Variants in ATP7B observed in about 807,000 individuals in gnomAD.
The protein encoded by ATP7B is ATPase copper transporting beta.
A neutral mutation model predicts 118.9 loss-of-function variants in ATP7B; 113 were observed. The ratio of observed to expected loss-of-function variants is 0.95; its 90% confidence interval spans 0.82 to 1.11. The LOEUF is 1.11. Ranked by LOEUF, ATP7B falls within the 50% of genes most tolerant of loss-of-function variation. The pLI is 0.00. For synonymous variants in ATP7B, 777 were observed against 727.4 expected (o/e 1.07, Z -1.10); for missense variants, 1,867 against 1,871.4 (o/e 1.00, Z 0.04).
At chr13:51,944,012 C>CAGAGAAGGCTCCTCGAGGGCAGCTAGG in intron 14 of ATP7B, 97 bp downstream of exon 14, 1 of 1,517,344 alleles carries the variant, frequency 6.6e-7, no homozygotes, top group Non-Finnish European at 9.0e-7. Context: ...CCAGACCACA[C>CAGAGAAGGCTCCTCGAGGGCAGCTAGG]AGAGAAGGCT....
At chr13:51,992,841 G>A (rs1453123846) in intron 1 of ATP7B, among the ~76,000 whole-genome samples, 1 of 151,716 alleles carries the variant, frequency 6.6e-6, no homozygotes, top group East Asian at 1.9e-4. Flanking sequence ...AGCTAGGTAT[G>A]GTGTCAGGTG....
At chr13:51,965,816 C>T (rs1462670253) in intron 4 of ATP7B, among the ~76,000 whole-genome samples, 1 of 152,118 alleles carries the variant, frequency 6.6e-6, no homozygotes, top group Non-Finnish European at 1.5e-5. Context: ...GCACCTGATG[C>T]GAAGTCACTG....
intron 1 of ATP7B, among the ~76,000 whole-genome samples, chr13:51,983,840 T>G (rs1952533117): frequency 6.6e-6 from 1 of 151,974 alleles, no homozygotes; most frequent in Non-Finnish European, 1.5e-5. Flanking sequence ...GAAGGAAAAC[T>G]AACAAACAGA....
At chr13:51,954,089 C>T (rs1958186601) in intron 9 of ATP7B, among the ~76,000 whole-genome samples, 1 of 152,152 alleles carries the variant, frequency 6.6e-6, no homozygotes, top group Non-Finnish European at 1.5e-5. Flanking sequence ...CCTGGGGAAT[C>T]AGGAAAGGCT....
chr13:51,963,054 T>C (rs1349554331), intron 5 of ATP7B, among the ~76,000 whole-genome samples: 2 of 151,292 alleles, frequency 1.3e-5, no homozygotes, highest in Non-Finnish European at 2.9e-5. Flanking sequence ...ACCATGCCAC[T>C]GCACTCCAGC....
chr13:51,997,412 C>T (rs184240455), intron 1 of ATP7B, among the ~76,000 whole-genome samples: 14 of 152,260 alleles, frequency 9.2e-5, no homozygotes, highest in Middle Eastern at 3.4e-3. Flanking sequence ...CTATGAATAG[C>T]TAATAAGGAA....
At chr13:51,978,680 T>C (rs1199658504) in intron 1 of ATP7B, 1 of 152,234 alleles carries the variant, frequency 6.6e-6, no homozygotes, top group African/African-American at 2.4e-5. Flanking sequence ...TGTGACTCTG[T>C]ATGTAATGAA....
At chr13:52,007,725 G>A (rs933383959) in intron 1 of ATP7B, among the ~76,000 whole-genome samples, 4 of 152,112 alleles carry the variant, frequency 2.6e-5, no homozygotes, top group African/African-American at 9.7e-5. Flanking sequence ...CGCTGGGTCT[G>A]GGCCATCTGT....
chr13:51,981,913 G>A (rs1396964470), intron 1 of ATP7B, among the ~76,000 whole-genome samples: 1 of 152,042 alleles, frequency 6.6e-6, no homozygotes, highest in African/African-American at 2.4e-5. Context: ...CCCATGGCCT[G>A]CAAGCCACAT....
chr13:51,971,000 T>A (rs1376772705), intron 2 of ATP7B, among the ~76,000 whole-genome samples: 1 of 152,138 alleles, frequency 6.6e-6, no homozygotes, highest in African/African-American at 2.4e-5. Flanking sequence ...TGTAAATAGT[T>A]CTCTATATTA....
intron 1 of ATP7B, among the ~76,000 whole-genome samples, chr13:51,990,931 T>C (rs1430760391): frequency 1.3e-5 from 2 of 152,120 alleles, no homozygotes; most frequent in Admixed American, 1.3e-4. Context: ...CTACTAAAAA[T>C]ACAAATATTA....
chr13:51,935,847 G>GCC, intron 19 of ATP7B, 152 bp from the exon 20 acceptor site: 1 of 665,232 alleles, frequency 1.5e-6, no homozygotes, highest in Non-Finnish European at 2.6e-6. Flanking sequence ...TTGCCCACAG[G>GCC]CCCCCCCCAA....
chr13:51,959,949 C>A (rs1958619924), intron 7 of ATP7B, 199 bp downstream of exon 7: 1 of 648,778 alleles, frequency 1.5e-6, no homozygotes, highest in Non-Finnish European at 2.7e-6. Context: ...AGTAGTCCCC[C>A]ACACTGGGGG....
intron 15 of ATP7B, among the ~76,000 whole-genome samples, chr13:51,941,495 G>T (rs934775594): frequency 2.0e-5 from 3 of 152,152 alleles, no homozygotes; most frequent in Non-Finnish European, 2.9e-5. Flanking sequence ...GGCAATGTCC[G>T]TCTTTGTCTT....
chr13:51,970,933 G>A (rs976934420), intron 2 of ATP7B, among the ~76,000 whole-genome samples, 184 bp from the exon 3 acceptor site: 1 of 151,648 alleles, frequency 6.6e-6, no homozygotes, highest in Non-Finnish European at 1.5e-5. Context: ...CCCTGCTGTT[G>A]TTAATCTCTG....
At chr13:51,980,385 C>T (rs2140212846) in intron 1 of ATP7B, among the ~76,000 whole-genome samples, 1 of 152,212 alleles carries the variant, frequency 6.6e-6, no homozygotes, top group Admixed American at 6.5e-5. Flanking sequence ...CAGAGGAGGC[C>T]ACAGAAGGGA....
In ATP7B at chr13:51,937,099, CCA is replaced by C. The variant is rs1957010975; in HGVS notation, c.4021+175_4021+176del. On this transcript the variant is annotated intron_variant, in intron 19 of 20. Coordinates refer to ENST00000242839, the MANE Select transcript of ATP7B (RefSeq NM_000053.4). ...AGTGAATGAAGGTTTCAGGTCCTCT[CCA>C]CAGTTTCTCATTTAAAGACATATAA... Among the ~76,000 whole-genome samples, 5 of 151,832 alleles carry C rather than the reference CCA, an allele frequency of 3.3e-5. No individual in the cohort carries two copies. In the South Asian group the frequency reaches 8.3e-4, roughly 25 times the overall value.
chr13:51,948,548 A>C (rs904657763), intron 12 of ATP7B, among the ~76,000 whole-genome samples: 3 of 152,184 alleles, frequency 2.0e-5, no homozygotes, highest in Non-Finnish European at 4.4e-5. Context: ...TTTTAAGTAC[A>C]TTATCAAGGT....
intron 4 of ATP7B, chr13:51,966,701 A>C: frequency 6.6e-7 from 1 of 1,519,316 alleles, no homozygotes; most frequent in Non-Finnish European, 9.0e-7. Flanking sequence ...TGCCATGCCG[A>C]CGTAGACCCT....
Sources: gnomAD v4.1 joint callset for allele counts (sites outside exome capture counted in the v4.1 genomes callset) on GRCh38, gnomAD v4.1.1 for gene constraint, MANE v1.5 for transcripts, NCBI Gene and HGNC (gene_info 2026-07-23, HGNC 2026-07-21) for gene names.